Variants in EMP2 observed in about 807,000 individuals in gnomAD.
EMP2 encodes epithelial membrane protein 2.
In EMP2, 19 loss-of-function variants were observed where a neutral mutation model predicts 13.7. That is an observed-to-expected ratio of 1.38 (90% CI 0.97 to 2.03). EMP2 has a LOEUF of 2.03. Ranked by LOEUF, EMP2 falls within the 30% of genes most tolerant of loss-of-function variation. EMP2 has a pLI of 0.00. For synonymous variants in EMP2, 97 were observed against 84.7 expected (o/e 1.15, Z -0.80); for missense variants, 253 against 220.7 (o/e 1.15, Z -0.93).
chr16:10,568,629 G>A (rs1249020399), intron 1 of EMP2, among the ~76,000 whole-genome samples: 3 of 152,130 alleles, frequency 2.0e-5, no homozygotes, highest in Non-Finnish European at 4.4e-5. Context: ...GGGTAACCTG[G>A]GGCAAGTGGC....
At chr16:10,539,559 TG>T (rs2050678174) in intron 3 of EMP2, among the ~76,000 whole-genome samples, 2 of 152,068 alleles carry the variant, frequency 1.3e-5, no homozygotes, top group South Asian at 4.2e-4. Flanking sequence ...CGGTAGCAAC[TG>T]TGTGGAAGGG....
intron 1 of EMP2, among the ~76,000 whole-genome samples, chr16:10,560,546 G>C (rs1042880091): frequency 7.2e-5 from 11 of 152,228 alleles, no homozygotes; most frequent in Non-Finnish European, 1.2e-4. Flanking sequence ...TATTCAGCCA[G>C]CATTTATTGA....
rs975156217 is a variant in EMP2 at position 10,530,062 on chromosome 16, T to G, written c.*2843A>C. The G allele has an allele frequency of 5.3e-5, 8 of 152,278 alleles. No homozygotes were observed. The highest frequency in any genetic ancestry group is 1.9e-4 in the African/African-American group (8 of 41,544). The allele number at this position is 152,278 out of a possible 1,614,324, so 9.4% of individuals were successfully genotyped here. ...TAGCATCCTGTTAACCCTAGGGGTG[T>G]AAGCCACATTCTTGCCCACAATATG... is the stretch of plus-strand genomic sequence containing the variant. On this transcript the variant is annotated 3_prime_UTR_variant, in exon 5 of 5. Transcript: ENST00000359543.
At chr16:10,543,473 G>A in intron 3 of EMP2, 97 bp downstream of exon 3, 1 of 1,361,554 alleles carries the variant, frequency 7.3e-7, no homozygotes, top group South Asian at 1.2e-5. Context: ...GCAGTGAGTG[G>A]AGGAGAGGGT....
intron 1 of EMP2, among the ~76,000 whole-genome samples, chr16:10,560,515 G>A (rs1028258228): frequency 6.6e-6 from 1 of 152,322 alleles, no homozygotes; most frequent in Non-Finnish European, 1.5e-5. Context: ...CCCCTTGCCC[G>A]TTCTTTAAAA....
At chr16:10,564,470 G>A (rs558603077) in intron 1 of EMP2, among the ~76,000 whole-genome samples, 2 of 130,334 alleles carry the variant, frequency 1.5e-5, no homozygotes, top group Non-Finnish European at 3.1e-5. Context: ...CAGCCTCAGC[G>A]ACAGAGTGAG....
intron 1 of EMP2, among the ~76,000 whole-genome samples, chr16:10,561,987 C>G (rs979180380): frequency 2.0e-5 from 3 of 152,148 alleles, no homozygotes; most frequent in Non-Finnish European, 4.4e-5. Flanking sequence ...TGAATTCTGC[C>G]AAACACTTAA....
At chr16:10,537,873 A>C in intron 4 of EMP2, 55 bp downstream of exon 4, 2 of 1,593,466 alleles carry the variant, frequency 1.3e-6, no homozygotes, top group East Asian at 2.3e-5. Context: ...GCGGCTGGGA[A>C]GGGAGTGCTT....
At position 10,579,961 on chromosome 16, in the gene EMP2, C is replaced by T. The variant is rs116069292; in HGVS notation, c.-61+588G>A. ...CCTCTGGAACACATGGGTGCGGTCT[C>T]GCCTCTTTAAAGCCCCCCAAGCCCT... On this transcript the variant is annotated intron_variant, in intron 1 of 4. Transcript: ENST00000359543. Among the ~76,000 whole-genome samples the T allele has an allele frequency of 5.9e-3, 897 of 152,316 alleles. 9 individuals carry two copies. Among genetic ancestry groups the T allele is most frequent in the African/African-American group, 0.021 (863 of 41,572 alleles).
chr16:10,541,874 A>G (rs2050702215), intron 3 of EMP2, among the ~76,000 whole-genome samples: 1 of 152,158 alleles, frequency 6.6e-6, no homozygotes, highest in African/African-American at 2.4e-5. Flanking sequence ...TGATGGGGCT[A>G]TGAGATCACC....
intron 1 of EMP2, among the ~76,000 whole-genome samples, chr16:10,567,689 A>C (rs1285320837): frequency 6.6e-6 from 1 of 152,124 alleles, no homozygotes; most frequent in Non-Finnish European, 1.5e-5. Context: ...CAAAGTGGAG[A>C]GACTCGGGTT....
intron 1 of EMP2, among the ~76,000 whole-genome samples, chr16:10,550,741 G>A (rs1172856330): frequency 6.6e-6 from 1 of 152,144 alleles, no homozygotes; most frequent in African/African-American, 2.4e-5. Context: ...TTGGGAGGCC[G>A]AGGTGGGTGG....
intron 1 of EMP2, among the ~76,000 whole-genome samples, chr16:10,553,522 G>T (rs1405214733): frequency 1.3e-5 from 2 of 152,216 alleles, no homozygotes; most frequent in African/African-American, 4.8e-5. Context: ...CTCCCACCGA[G>T]CCCCAGTCAA....
At chr16:10,535,777 C>T (rs953932982) in intron 4 of EMP2, among the ~76,000 whole-genome samples, 3 of 152,138 alleles carry the variant, frequency 2.0e-5, no homozygotes, top group African/African-American at 7.2e-5. Flanking sequence ...GGGGGGTCCA[C>T]GCCTCTAACT....
chr16:10,542,754 CATT>C (rs1330128866), intron 3 of EMP2, among the ~76,000 whole-genome samples: 3 of 152,212 alleles, frequency 2.0e-5, no homozygotes, highest in Admixed American at 6.5e-5. Context: ...GCAAAGGCAT[CATT>C]ATTACTTCTG....
chr16:10,541,055 T>C (rs529832052), intron 3 of EMP2, among the ~76,000 whole-genome samples: 6 of 151,566 alleles, frequency 4.0e-5, no homozygotes, highest in African/African-American at 1.5e-4. Context: ...ACCACTGCAC[T>C]CCAGCCAGAG....
At chr16:10,538,962 T>C (rs1486879475) in intron 3 of EMP2, among the ~76,000 whole-genome samples, 7 of 151,910 alleles carry the variant, frequency 4.6e-5, no homozygotes, top group Non-Finnish European at 5.9e-5. Context: ...ACTACAGGCA[T>C]GTCTGGCTAA....
rs2050614204 is a variant in EMP2, at chr16:10,532,751, C to CTTTTTCTTTTTT, written c.*153_*154insAAAAAAGAAAAA. 6.0e-5 allele frequency: 12 copies of CTTTTTCTTTTTT among 199,586 alleles called. No individual in the cohort carries two copies. The African/African-American group carries it at 7.2e-4, about 12-fold the overall frequency. 12.4% of individuals were successfully genotyped at this position (199,586 alleles called of 1,614,324 possible). A position where few individuals can be genotyped will look rare whatever the true frequency, so the allele number is the denominator to read the frequency against. Reference sequence around the variant, plus strand: ...CTTCTCTCTTTTGGATTTTTTTTTTCTTTTTTCTTTTTTTTTTTTTTTTTT... The same window carrying CTTTTTCTTTTTT: ...CTTCTCTCTTTTGGATTTTTTTTTTCTTTTTCTTTTTTTTTTTTCTTTTTTTTTTTTTTTTTT... On this transcript the variant is annotated 3_prime_UTR_variant, in exon 5 of 5. Transcript: ENST00000359543.
intron 1 of EMP2, among the ~76,000 whole-genome samples, chr16:10,565,348 A>G (rs1459324518): frequency 1.3e-5 from 2 of 152,198 alleles, no homozygotes; most frequent in African/African-American, 4.8e-5. Context: ...TGCCCTCCCT[A>G]ACGGGCTATG....
Sources: allele counts gnomAD v4.1 joint callset (sites outside exome capture counted in the v4.1 genomes callset), GRCh38; gene constraint gnomAD v4.1.1; transcripts MANE v1.5; gene names NCBI Gene and HGNC (gene_info 2026-07-23, HGNC 2026-07-21).